MYO1B: variants seen among roughly 807,000 people sequenced by gnomAD.
MYO1B encodes the protein unconventional myosin-Ib.
MYO1B carries 72 observed loss-of-function variants against 159.7 expected under a neutral mutation model. The ratio of observed to expected loss-of-function variants is 0.45; its 90% CI spans 0.37 to 0.55. The LOEUF (loss-of-function observed/expected upper bound fraction) is 0.55, where lower values mean the gene tolerates loss of function less well. Among genes scored for constraint, MYO1B ranks in the 20% least tolerant of loss-of-function variants. The probability of loss-of-function intolerance (pLI) is 0.00; values close to 1 mark genes in which losing one functional copy is unlikely to be tolerated. For missense variants in MYO1B, 1,062 were observed against 1,364.8 expected (o/e 0.78, Z 3.50); for synonymous variants, 468 against 473.8 (o/e 0.99, Z 0.16).
At chr2:191,278,510 ATTC>A (rs1387171201) in intron 2 of MYO1B, among the ~76,000 whole-genome samples, 1 of 152,216 alleles carries the variant, frequency 6.6e-6, no homozygotes, top group African/African-American at 2.4e-5. Flanking sequence ...TGACCTTTTC[ATTC>A]TTCTCACTTT....
In MYO1B at chr2:191,360,694, A is replaced by C; in HGVS notation, c.626A>C (p.Tyr209Ser). The C allele has an allele frequency of 6.2e-7, 1 of 1,613,636 alleles. No individual in the cohort carries two copies. Among genetic ancestry groups the C allele is most frequent in the Non-Finnish European group, 8.5e-7 (1 of 1,179,728 alleles). The stretch of plus-strand genomic sequence containing the variant: ...GGTGAAAGAAACTTCCATGTGTTCT[A>C]TCAGCTGCTCTCTGGTGCCTCTGAA... ...PRGERNFHVF[Y>S]QLLSGASEEL... Residue 209 changes from tyrosine (Y) to serine (S), a missense_variant, in exon 8 of 31, where the codon TAT becomes TCT. Coordinates refer to ENST00000392318, the MANE Select transcript of MYO1B (RefSeq NM_001130158.3).
intron 3 of MYO1B, among the ~76,000 whole-genome samples, chr2:191,309,410 C>T (rs1214846343): frequency 6.6e-6 from 1 of 152,184 alleles, no homozygotes; most frequent in Non-Finnish European, 1.5e-5. Flanking sequence ...CTTCAACTCT[C>T]CTGTTGCCTC....
chr2:191,266,463 G>C (rs1410110933), intron 1 of MYO1B, among the ~76,000 whole-genome samples: 1 of 152,188 alleles, frequency 6.6e-6, no homozygotes, highest in East Asian at 1.9e-4. Context: ...AGGATCCTTG[G>C]TGGTAAACTA....
chr2:191,262,952 TG>T (rs1360756091), intron 1 of MYO1B: 1 of 152,226 alleles, frequency 6.6e-6, no homozygotes, highest in African/African-American at 2.4e-5. Context: ...GTGAATCGCC[TG>T]CCCTATATGA....
intron 1 of MYO1B, among the ~76,000 whole-genome samples, chr2:191,247,559 T>C (rs1208045296): frequency 1.3e-5 from 2 of 152,190 alleles, no homozygotes; most frequent in African/African-American, 2.4e-5. Context: ...TGTCCAACTG[T>C]CAAGCTGTTT....
At position 191,350,143 on chromosome 2, in the gene MYO1B, CA is replaced by C. The variant is rs747732462; in HGVS notation, c.499-15del. The C allele has an allele frequency of 9.9e-5, 160 of 1,610,186 alleles. No homozygotes were observed. The African/African-American group carries it at 2.0e-3, about 20-fold the overall frequency. Reference sequence around the variant, plus strand: ...ATTTTGAGATGAACTAGAAAACTCACAAAATCTTTCTTTGGCAGGGCAAATA... The same window carrying C: ...ATTTTGAGATGAACTAGAAAACTCACAAATCTTTCTTTGGCAGGGCAAATA... On this transcript the variant is annotated intron_variant, in intron 6 of 30. Coordinates refer to ENST00000392318, the MANE Select transcript of MYO1B (RefSeq NM_001130158.3).
intron 7 of MYO1B, among the ~76,000 whole-genome samples, chr2:191,351,001 GTTGA>G (rs1044169649): frequency 1.3e-5 from 2 of 151,992 alleles, no homozygotes; most frequent in Non-Finnish European, 2.9e-5. Flanking sequence ...TTGACTCGTG[GTTGA>G]TTAGTTTGGA....
chr2:191,331,755 C>G (rs1366242128), intron 4 of MYO1B, among the ~76,000 whole-genome samples: 9 of 152,164 alleles, frequency 5.9e-5, no homozygotes, highest in Non-Finnish European at 1.3e-4. Context: ...CCTATACATC[C>G]AAATTACATG....
At chr2:191,327,347 G>T (rs1004406580) in intron 3 of MYO1B, among the ~76,000 whole-genome samples, 3 of 152,174 alleles carry the variant, frequency 2.0e-5, no homozygotes, top group Non-Finnish European at 4.4e-5. Flanking sequence ...TTCTGGTAGG[G>T]AATAAGAAGG....
At chr2:191,332,616 G>A (rs1691564350) in intron 4 of MYO1B, among the ~76,000 whole-genome samples, 1 of 152,122 alleles carries the variant, frequency 6.6e-6, no homozygotes, top group Non-Finnish European at 1.5e-5. Context: ...TTATTTACAT[G>A]TATGAGATAA....
chr2:191,341,993 C>G (rs184847494), intron 5 of MYO1B, among the ~76,000 whole-genome samples: 1 of 152,036 alleles, frequency 6.6e-6, no homozygotes, highest in African/African-American at 2.4e-5. Flanking sequence ...AAAGCCTAAA[C>G]CTGACTGGAG....
chr2:191,332,416 A>G (rs1691549631), intron 4 of MYO1B, among the ~76,000 whole-genome samples: 1 of 152,114 alleles, frequency 6.6e-6, no homozygotes, highest in Non-Finnish European at 1.5e-5. Flanking sequence ...CTATTGATGA[A>G]CAAAATTATT....
intron 3 of MYO1B, among the ~76,000 whole-genome samples, chr2:191,307,517 T>G (rs1689722248): frequency 6.6e-6 from 1 of 152,188 alleles, no homozygotes; most frequent in Non-Finnish European, 1.5e-5. Context: ...CTTCTAGGAA[T>G]GCAGCCCAGT....
In MYO1B at chr2:191,297,577, G is replaced by A. The variant is rs76915720; in HGVS notation, c.251+1351G>A. ...GATATGCTGAAAACAACCCCAAATT[G>A]TCATGAAATGCACATAAATACATGT... is the stretch of plus-strand genomic sequence containing the variant. On this transcript the variant is annotated intron_variant, in intron 3 of 30. Transcript: ENST00000392318. Among the ~76,000 whole-genome samples, 1,922 of 152,212 alleles carry A rather than the reference G, an allele frequency of 0.013. 72 individuals carry two copies. In the East Asian group the frequency reaches 0.15, roughly 12 times the overall value.
Position 191,393,185 on chromosome 2 carries a change from G to A in MYO1B, c.2189G>A (p.Ser730Asn). ...CRTHFLLMKK[S>N]QIVIAAWYRR... The stretch of plus-strand genomic sequence containing the variant: ...ACACACTTCCTGCTAATGAAAAAAA[G>A]CCAAATTGTGATTGCCGCCTGGTAC... The change falls in exon 20 of 31, where the codon AGC becomes AAC. Residue 730 changes from serine (S) to asparagine (N), a missense_variant. Physicochemically the swap from Ser to Asn is conservative, Grantham distance 46. Coordinates refer to ENST00000392318, the MANE Select transcript of MYO1B (RefSeq NM_001130158.3). 6.2e-7 allele frequency: 1 copy of A among 1,614,062 alleles called. No individual in the cohort carries two copies. Among genetic ancestry groups the A allele is most frequent in the Non-Finnish European group, 8.5e-7 (1 of 1,179,962 alleles).
Position 191,409,243 on chromosome 2 carries a change from A to G in MYO1B, c.2766+65A>G. 3.3e-6 allele frequency: 5 copies of G among 1,506,464 alleles called. No homozygotes were observed. In the Admixed American group the frequency reaches 8.1e-5, roughly 24 times the overall value. The allele number at this position is 1,506,464 out of a possible 1,614,324, so 93.3% of individuals were successfully genotyped here. On this transcript the variant is annotated intron_variant, in intron 26 of 30. Transcript: ENST00000392318. Reference sequence around the variant, plus strand: ...ATTTATTTTGAGTGTTTAAAAACACATAAAATCAAAACTGTTAACACATTC... The same window carrying G: ...ATTTATTTTGAGTGTTTAAAAACACGTAAAATCAAAACTGTTAACACATTC...
chr2:191,390,143 T>C lies in MYO1B; in HGVS notation c.1782-149T>C, dbSNP rs962077644. ...TATTTTTAGGTGGTTATAAAATGAT[T>C]TGAAATAATTTCAAAAGTAATGACT... On this transcript the variant is annotated intron_variant, in intron 17 of 30. Coordinates refer to ENST00000392318, the MANE Select transcript of MYO1B (RefSeq NM_001130158.3). 1.8e-5 allele frequency: 13 copies of C among 703,872 alleles called. No homozygotes were observed. In the African/African-American group the frequency reaches 2.1e-4, roughly 12 times the overall value. The allele number at this position is 703,872 out of a possible 1,614,324, so 43.6% of individuals were successfully genotyped here. A position where few individuals can be genotyped will look rare whatever the true frequency, so the allele number is the denominator to read the frequency against.
intron 1 of MYO1B, chr2:191,246,483 C>G (rs1685801970): frequency 6.6e-6 from 1 of 152,114 alleles, no homozygotes; most frequent in Non-Finnish European, 1.5e-5. Flanking sequence ...TTGTGTGCTT[C>G]TTGAGTTTCT....
chr2:191,370,151 A>G (rs941385482), intron 12 of MYO1B, 76 bp from the exon 13 acceptor site: 2 of 905,674 alleles, frequency 2.2e-6, no homozygotes, highest in South Asian at 1.6e-5. Context: ...TTTGTAATAT[A>G]TATCTATGTT....
Sources: gnomAD v4.1 joint callset for allele counts (sites outside exome capture counted in the v4.1 genomes callset) on GRCh38, gnomAD v4.1.1 for gene constraint, MANE v1.5 for transcripts, NCBI Gene and HGNC (gene_info 2026-07-23, HGNC 2026-07-21) for gene names.